Variants in KIF5B observed in about 807,000 individuals in gnomAD.
KIF5B encodes the protein kinesin family member 5B.
Under a neutral mutation model 132.8 loss-of-function variants are expected in KIF5B, and 49 were observed. The observed-to-expected ratio is 0.37, with a 90% confidence interval of 0.29 to 0.47. The LOEUF (loss-of-function observed/expected upper bound fraction) is 0.47. KIF5B is among the 20% of genes least tolerant of loss of function. The pLI is 1.00. For missense variants in KIF5B, 780 were observed against 1,144.0 expected, an observed-to-expected ratio of 0.68 and a Z score of 4.59; for synonymous variants, 355 against 369.4, an observed-to-expected ratio of 0.96 and a Z score of 0.45.
chr10:32,048,506 G>A lies in KIF5B; in HGVS notation c.172C>T (p.Gln58Ter). 6.2e-7 allele frequency: 1 copy of A among 1,613,638 alleles called. No individual in the cohort carries two copies. Among genetic ancestry groups the A allele is most frequent in the Non-Finnish European group, 8.5e-7 (1 of 1,179,788 alleles). ...GCACAGTCATTATACACTTGCTCTT[G>A]AGATGTGCTTGACTGGAACACCCGA... ...FDRVFQSSTS[Q>*]EQVYNDCAKK... is the part of the protein sequence containing the mutation. Residue 58 changes from glutamine to a stop codon, truncating the protein, a stop_gained, in exon 2 of 26, where the codon CAA becomes TAA. Coordinates refer to ENST00000302418, the MANE Select transcript of KIF5B (RefSeq NM_004521.3). LOFTEE classifies it high-confidence loss of function.
intron 15 of KIF5B, among the ~76,000 whole-genome samples, chr10:32,024,120 C>T (rs1841302724): frequency 7.6e-6 from 1 of 130,932 alleles, no homozygotes; most frequent in African/African-American, 2.8e-5. Flanking sequence ...TGATAAAAGA[C>T]TTATATCCAA....
chr10:32,056,069 CGT>C lies in KIF5B; in HGVS notation c.-98_-97del. 2 of 1,465,688 alleles carry C rather than the reference CGT, an allele frequency of 1.4e-6. No homozygotes were observed. The highest frequency in any genetic ancestry group is 1.8e-6 in the Non-Finnish European group (2 of 1,082,288). 90.8% of individuals were successfully genotyped at this position (1,465,688 alleles called of 1,614,324 possible). On this transcript the variant is annotated 5_prime_UTR_variant, in exon 1 of 26. Transcript: ENST00000302418. Reference sequence around the variant, plus strand: ...CCTGAGGGCTTGTGGTCGCGAGGGCCGTGAGAGGCAGCAGTCAGCTGCGCCGC... The same window carrying C: ...CCTGAGGGCTTGTGGTCGCGAGGGCCGAGAGGCAGCAGTCAGCTGCGCCGC...
chr10:32,020,635 G>C (rs1299914138), intron 19 of KIF5B, among the ~76,000 whole-genome samples: 1 of 152,078 alleles, frequency 6.6e-6, no homozygotes, highest in Non-Finnish European at 1.5e-5. Context: ...ATGTTGCCCA[G>C]CTGGTCTTGA....
At chr10:32,020,485 A>G (rs1272486058) in intron 19 of KIF5B, among the ~76,000 whole-genome samples, 3 of 152,148 alleles carry the variant, frequency 2.0e-5, no homozygotes, top group African/African-American at 4.8e-5. Flanking sequence ...CTGTAGTACA[A>G]TCATAGCTCA....
intron 2 of KIF5B, among the ~76,000 whole-genome samples, chr10:32,045,213 A>G (rs779516740): frequency 6.6e-6 from 1 of 152,196 alleles, no homozygotes; most frequent in Non-Finnish European, 1.5e-5. Context: ...TCACGAGAAC[A>G]GCATGAGAAA....
At chr10:32,043,094 C>T (rs1203575437) in intron 2 of KIF5B, among the ~76,000 whole-genome samples, 1 of 152,074 alleles carries the variant, frequency 6.6e-6, no homozygotes, top group Non-Finnish European at 1.5e-5. Flanking sequence ...ACCTCCGCCT[C>T]CCAGGTTCAA....
chr10:32,047,007 TATAATA>T (rs1246451495), intron 2 of KIF5B, among the ~76,000 whole-genome samples: 4 of 152,240 alleles, frequency 2.6e-5, no homozygotes, highest in African/African-American at 9.6e-5. Flanking sequence ...AAGCCTATTT[TATAATA>T]AAGTGTTAAA....
chr10:32,034,738 G>C lies in KIF5B; in HGVS notation c.1063C>G (p.Arg355Gly). The change falls in exon 11 of 26, where the codon CGG (arginine) becomes GGG (glycine). Residue 355 changes from arginine (R) to glycine (G), a missense_variant. Around this residue, in one of 9 missense-constraint regions of KIF5B, gnomAD observed 471 missense variants for 569.9 expected, o/e 0.83. Transcript: ENST00000302418. The stretch of plus-strand genomic sequence containing the variant: ...TTTTCAAGCCACTGAATAGTGTTCC[G>C]CAGGATCTTATTTTTTTCTTTTTCT... ...EKEKEKNKILRNTIQWLENEL... is the reference protein window; with the variant it reads ...EKEKEKNKILGNTIQWLENEL... 1 of 1,608,176 alleles carries C rather than the reference G, an allele frequency of 6.2e-7. No individual in the cohort carries two copies. The highest frequency in any genetic ancestry group is 8.5e-7 in the Non-Finnish European group (1 of 1,177,492).
At chr10:32,032,898 T>C (rs1158580803) in intron 12 of KIF5B, 124 bp from the exon 13 acceptor site, 2 of 720,874 alleles carry the variant, frequency 2.8e-6, no homozygotes, top group African/African-American at 1.8e-5. Flanking sequence ...AATTCAACAT[T>C]GCTTATTTTA....
In KIF5B at chr10:32,037,575, A is replaced by G; in HGVS notation, c.531T>C (p.Asp177=). The G allele has an allele frequency of 6.2e-7, 1 of 1,613,270 alleles. No homozygotes were observed. Among genetic ancestry groups the G allele is most frequent in the Non-Finnish European group, 8.5e-7 (1 of 1,179,208 alleles). The change falls in exon 7 of 26, where the codon GAT becomes GAC. Residue 177 remains aspartate, a synonymous_variant. Transcript: ENST00000302418. ...GCTERFVCSP[D]EVMDTIDEGK... is the part of the protein sequence containing the mutation. ...CTTCATCTATGGTATCCATAACTTC[A>G]TCTGGACTACATACAAAACGCTCTG... is the stretch of plus-strand genomic sequence containing the variant.
chr10:32,014,793 T>C (rs894475168), intron 25 of KIF5B, among the ~76,000 whole-genome samples: 4 of 152,202 alleles, frequency 2.6e-5, no homozygotes, highest in African/African-American at 9.6e-5. Flanking sequence ...TCTGGGAACC[T>C]TCTGGAAATA....
chr10:32,048,360 G>C (rs187604691), intron 2 of KIF5B, 104 bp downstream of exon 2: 1 of 702,544 alleles, frequency 1.4e-6, no homozygotes, highest in East Asian at 2.6e-5. Context: ...AATTAACTTA[G>C]AAGAAAGGGG....
chr10:32,048,108 T>G (rs1841637967), intron 2 of KIF5B, among the ~76,000 whole-genome samples: 1 of 152,230 alleles, frequency 6.6e-6, no homozygotes, highest in Admixed American at 6.5e-5. Flanking sequence ...TTTCCACTAC[T>G]TTTTAGAAAT....
intron 2 of KIF5B, among the ~76,000 whole-genome samples, chr10:32,040,722 G>A (rs888728407): frequency 4.6e-5 from 7 of 151,732 alleles, no homozygotes; most frequent in Admixed American, 4.6e-4. Flanking sequence ...GGCTGGGTGC[G>A]GTAGCTCACT....
At position 32,056,076 on chromosome 10, in the gene KIF5B, G is replaced by A. The variant is rs899096639; in HGVS notation, c.-103C>T. On this transcript the variant is annotated 5_prime_UTR_variant, in exon 1 of 26. Coordinates refer to ENST00000302418, the MANE Select transcript of KIF5B (RefSeq NM_004521.3). ...GCTTGTGGTCGCGAGGGCCGTGAGA[G>A]GCAGCAGTCAGCTGCGCCGCGCTGC... 2.1e-6 allele frequency: 3 copies of A among 1,429,354 alleles called. No homozygotes were observed. In the African/African-American group the frequency reaches 4.3e-5, roughly 21 times the overall value. The allele number at this position is 1,429,354 out of a possible 1,614,324, so 88.5% of individuals were successfully genotyped here.
At chr10:32,040,808 G>A (rs781126553) in intron 2 of KIF5B, among the ~76,000 whole-genome samples, 1 of 151,946 alleles carries the variant, frequency 6.6e-6, no homozygotes, top group East Asian at 1.9e-4. Flanking sequence ...TCAGCATGGT[G>A]AAACCCTGTC....
intron 15 of KIF5B, among the ~76,000 whole-genome samples, chr10:32,027,395 A>ATCACCCCCC (rs2132593368): frequency 6.6e-6 from 1 of 152,306 alleles, no homozygotes; most frequent in African/African-American, 2.4e-5. Context: ...TAGTATCTTT[A>ATCACCCCCC]AAAAGATTAG....
chr10:32,018,271 T>A, intron 22 of KIF5B, 45 bp downstream of exon 22: 2 of 1,461,504 alleles, frequency 1.4e-6, no homozygotes, highest in Non-Finnish European at 1.8e-6. Flanking sequence ...TACCTAGAAG[T>A]AAGCACCATT....
In KIF5B at chr10:32,044,816, C is replaced by T. The variant is rs115354815; in HGVS notation, c.214+3648G>A. ...AAAGGTTAGGTAACTTGCCAAAAGT[C>T]ACACAGCAAGAAAGTGGCAGAGCCT... On this transcript the variant is annotated intron_variant, in intron 2 of 25. Transcript: ENST00000302418. Among the ~76,000 whole-genome samples, 431 of 152,292 alleles carry T rather than the reference C, an allele frequency of 2.8e-3. 4 individuals are homozygous for T. The highest frequency in any genetic ancestry group is 9.7e-3 in the African/African-American group (405 of 41,562).
Sources: gnomAD v4.1 joint callset for allele counts (sites outside exome capture counted in the v4.1 genomes callset) on GRCh38, gnomAD v4.1.1 for gene constraint, gnomAD v4.1.1 regional missense constraint, MANE v1.5 for transcripts, NCBI Gene and HGNC (gene_info 2026-07-23, HGNC 2026-07-21) for gene names.